The following COLEC12 variants were observed in gnomAD, a reference collection of about 807,000 sequenced individuals.
COLEC12 encodes collectin-12.
COLEC12 carries 33 observed loss-of-function variants against 71.1 expected under a neutral mutation model. The ratio of observed to expected loss-of-function variants is 0.46; its 90% CI spans 0.35 to 0.62. The LOEUF (loss-of-function observed/expected upper bound fraction) is 0.62, where lower values mean the gene tolerates loss of function less well. Ranked by LOEUF, COLEC12 falls within the 20% of genes least tolerant of loss-of-function variation. The pLI is 0.00. For missense variants in COLEC12, 765 were observed against 916.1 expected, an observed-to-expected ratio of 0.84 and a Z score of 2.13; for synonymous variants, 350 against 353.0, an observed-to-expected ratio of 0.99 and a Z score of 0.10.
rs117243664 is a variant in COLEC12, at chr18:327,078, T to C, written c.2063+4590A>G. Among the ~76,000 whole-genome samples, 1,386 of 152,250 alleles carry C rather than the reference T, an allele frequency of 9.1e-3. 9 individuals carry two copies. Among genetic ancestry groups the C allele is most frequent in the Non-Finnish European group, 0.014 (959 of 68,008 alleles). On this transcript the variant is annotated intron_variant, in intron 8 of 9. Transcript: ENST00000400256. This position sits in a 1 kb window ranked among gnomAD's most constrained non-coding sequence, Gnocchi z 4.0. ...CTTCAAGATAATCCATCAAATGTTA[T>C]CATGAGACTGTGGGCCAATGGACTC...
chr18:367,403 A>T (rs1251144189), intron 2 of COLEC12, among the ~76,000 whole-genome samples: 3 of 152,210 alleles, frequency 2.0e-5, no homozygotes, highest in Non-Finnish European at 4.4e-5. Flanking sequence ...TGATGGGGAA[A>T]AAAAGTGGAC....
At chr18:337,772 C>T (rs62089627) in intron 5 of COLEC12, among the ~76,000 whole-genome samples, 13,239 of 152,164 alleles carry the variant, frequency 0.087, 760 homozygotes, top group Admixed American at 0.15. Context: ...CTCTAACCTG[C>T]GTGTCTACAG....
intron 2 of COLEC12, among the ~76,000 whole-genome samples, chr18:453,451 C>G (rs2621204): frequency 0.48 from 73,250 of 152,008 alleles, 18,327 homozygotes; most frequent in South Asian, 0.67. Flanking sequence ...TGCAGAGATA[C>G]AGAGAGAGAC....
At position 498,363 on chromosome 18, in the gene COLEC12, C is replaced by CTTTTTTTTTTT. The variant is rs542727500; in HGVS notation, c.7+2134_7+2144dup. ...AAAACTCTCATGGAATATTTTTTTT[C>CTTTTTTTTTTT]TTTTTTTTTTTTTTAGACGGAGTCT... On this transcript the variant is annotated intron_variant, in intron 1 of 9. Transcript: ENST00000400256. Among the ~76,000 whole-genome samples, 585 of 100,640 alleles carry CTTTTTTTTTTT rather than the reference C, an allele frequency of 5.8e-3. 10 individuals are homozygous for CTTTTTTTTTTT. The highest frequency in any genetic ancestry group is 0.011 in the South Asian group (35 of 3,104). The allele number at this position is 100,640 out of a possible 152,430, so 66.0% of individuals were successfully genotyped here. A position where few individuals can be genotyped will look rare whatever the true frequency, so the allele number is the denominator to read the frequency against.
chr18:347,408 C>G, intron 4 of COLEC12, 67 bp from the exon 5 acceptor site: 1 of 1,321,124 alleles, frequency 7.6e-7, no homozygotes, highest in Non-Finnish European at 1.1e-6. Context: ...GGCCAAAGAT[C>G]CCGAACACAC....
At position 404,214 on chromosome 18, in the gene COLEC12, G is replaced by T. The variant is rs190310467; in HGVS notation, c.59-46692C>A. Among the ~76,000 whole-genome samples, 150 of 152,110 alleles carry T rather than the reference G, an allele frequency of 9.9e-4. 1 individual carries two copies. The highest frequency in any genetic ancestry group is 3.4e-3 in the African/African-American group (143 of 41,472). On this transcript the variant is annotated intron_variant, in intron 2 of 9. Coordinates refer to ENST00000400256, the MANE Select transcript of COLEC12 (RefSeq NM_130386.3). ...GAACTGAAATAATTCCTGTGGCTTG[G>T]TTTGTTTATTAGCAATTGTTTTTCA... is the stretch of plus-strand genomic sequence containing the variant.
At chr18:442,321 C>T (rs529256230) in intron 2 of COLEC12, among the ~76,000 whole-genome samples, 6 of 152,182 alleles carry the variant, frequency 3.9e-5, no homozygotes, top group Non-Finnish European at 7.3e-5. Flanking sequence ...TCTTTCTCCT[C>T]AGCCCTGATT....
intron 2 of COLEC12, among the ~76,000 whole-genome samples, chr18:462,708 A>G (rs920449389): frequency 7.2e-5 from 11 of 152,222 alleles, no homozygotes; most frequent in African/African-American, 2.7e-4. Flanking sequence ...GTTATTAAAA[A>G]TAACGGAGGA....
chr18:340,297 C>A (rs1453922813), intron 5 of COLEC12, among the ~76,000 whole-genome samples: 1 of 152,066 alleles, frequency 6.6e-6, no homozygotes, highest in Non-Finnish European at 1.5e-5. Context: ...TGCCAGGATA[C>A]CCACGCGGCT....
At chr18:436,414 C>G (rs1328231466) in intron 2 of COLEC12, among the ~76,000 whole-genome samples, 1 of 146,402 alleles carries the variant, frequency 6.8e-6, no homozygotes, top group Non-Finnish European at 1.5e-5. Context: ...GGTCCGGAGG[C>G]TGAGGCAGGA....
rs1913660907 is a variant in COLEC12 at position 319,915 on chromosome 18, A to T, written c.*130T>A. 2 of 698,574 alleles carry T rather than the reference A, an allele frequency of 2.9e-6. No individual in the cohort carries two copies. The highest frequency in any genetic ancestry group is 5.1e-6 in the Non-Finnish European group (2 of 395,346). 43.3% of individuals were successfully genotyped at this position (698,574 alleles called of 1,614,324 possible). ...CGGATGGTAAAAAACACTAGCTGTCAATTTTTTTTCAGTAATTGGTTTTCA... is the reference window on the plus strand; with the variant it reads ...CGGATGGTAAAAAACACTAGCTGTCTATTTTTTTTCAGTAATTGGTTTTCA... On this transcript the variant is annotated 3_prime_UTR_variant, in exon 10 of 10. Coordinates refer to ENST00000400256, the MANE Select transcript of COLEC12 (RefSeq NM_130386.3).
intron 2 of COLEC12, among the ~76,000 whole-genome samples, chr18:397,935 A>G (rs1915604566): frequency 6.6e-6 from 1 of 152,236 alleles, no homozygotes; most frequent in African/African-American, 2.4e-5. Flanking sequence ...CCATATCTAC[A>G]CCATTTCTAG....
intron 2 of COLEC12, among the ~76,000 whole-genome samples, chr18:379,212 T>A (rs1238547503): frequency 6.6e-6 from 1 of 151,928 alleles, no homozygotes; most frequent in Non-Finnish European, 1.5e-5. Context: ...AGCCTTGACC[T>A]CCTAGGCTCA....
intron 2 of COLEC12, among the ~76,000 whole-genome samples, chr18:467,179 A>C (rs1917105152): frequency 6.6e-6 from 1 of 152,134 alleles, no homozygotes; most frequent in African/African-American, 2.4e-5. Flanking sequence ...TTCAATTTTC[A>C]AAGTGAGGTT....
At position 485,588 on chromosome 18, in the gene COLEC12, C is replaced by T. The variant is rs539162151; in HGVS notation, c.8-4831G>A. Among the ~76,000 whole-genome samples the T allele has an allele frequency of 2.2e-4, 34 of 152,324 alleles. No homozygotes were observed. The South Asian group carries it at 2.5e-3, about 11-fold the overall frequency. On this transcript the variant is annotated intron_variant, in intron 1 of 9. Transcript: ENST00000400256. ...TGTGATTTTTATTTATCTTTTTCTA[C>T]TTTCCTCAGTAACTGGCACAGAGCC...
At chr18:403,810 G>A (rs112344708) in intron 2 of COLEC12, among the ~76,000 whole-genome samples, 13 of 152,162 alleles carry the variant, frequency 8.5e-5, no homozygotes, top group African/African-American at 3.1e-4. Context: ...AGGTCACTGG[G>A]CAGCCTCAGA....
intron 1 of COLEC12, among the ~76,000 whole-genome samples, chr18:492,085 A>G (rs925484654): frequency 6.6e-6 from 1 of 152,234 alleles, no homozygotes; most frequent in African/African-American, 2.4e-5. Flanking sequence ...AGGAATCTGT[A>G]GCAGTTTAAA....
At position 413,548 on chromosome 18, in the gene COLEC12, C is replaced by T. The variant is rs139519187; in HGVS notation, c.59-56026G>A. ...ATGTTTACACAAAAATATGTACATA[C>T]TGGTCAGGCACAGTGCTACGATCCC... On this transcript the variant is annotated intron_variant, in intron 2 of 9. Transcript: ENST00000400256. Among the ~76,000 whole-genome samples the T allele has an allele frequency of 3.0e-3, 458 of 152,304 alleles. 3 individuals carry two copies. The highest frequency in any genetic ancestry group is 3.9e-3 in the Non-Finnish European group (268 of 68,032).
At chr18:381,884 AT>A (rs71363211) in intron 2 of COLEC12, among the ~76,000 whole-genome samples, 68 of 151,394 alleles carry the variant, frequency 4.5e-4, no homozygotes, top group African/African-American at 1.5e-3. Context: ...TTGCTGAAGG[AT>A]TTTTTTTTTA....
Sources: gnomAD v4.1 joint callset for allele counts (sites outside exome capture counted in the v4.1 genomes callset) on GRCh38, gnomAD v4.1.1 for gene constraint, Gnocchi (gnomAD v3.1) non-coding constraint, MANE v1.5 for transcripts, NCBI Gene and HGNC (gene_info 2026-07-23, HGNC 2026-07-21) for gene names.